Variants in NKAIN3 observed in about 807,000 individuals in gnomAD.
NKAIN3 encodes the protein sodium/potassium transporting ATPase interacting 3, also known as sodium/potassium-transporting ATPase subunit beta-1-interacting protein 3.
A neutral mutation model predicts 30.2 loss-of-function variants in NKAIN3; 25 were observed. The observed-to-expected ratio is 0.83, with a 90% confidence interval of 0.60 to 1.16. The LOEUF is 1.16. NKAIN3 is among the 50% of genes most tolerant of loss of function. The probability of loss-of-function intolerance (pLI) is 0.00; values close to 1 mark genes in which losing one functional copy is unlikely to be tolerated. For synonymous variants in NKAIN3, 91 were observed against 89.6 expected (o/e 1.02, Z -0.09); for missense variants, 225 against 254.1 (o/e 0.89, Z 0.78).
chr8:62,796,687 G>A (rs1817871566), intron 4 of NKAIN3, among the ~76,000 whole-genome samples: 1 of 151,992 alleles, frequency 6.6e-6, no homozygotes, highest in African/African-American at 2.4e-5. Context: ...ACTGTGCAGA[G>A]GAACAAGTAT....
intron 4 of NKAIN3, among the ~76,000 whole-genome samples, chr8:62,756,560 G>C (rs138964913): frequency 6.6e-6 from 1 of 151,982 alleles, no homozygotes; most frequent in African/African-American, 2.4e-5. Context: ...AGGAATTTAG[G>C]CAATCCACTG....
chr8:62,662,411 C>G (rs1812974278), intron 3 of NKAIN3, among the ~76,000 whole-genome samples: 1 of 152,220 alleles, frequency 6.6e-6, no homozygotes, highest in African/African-American at 2.4e-5. Flanking sequence ...GTGCACGTCT[C>G]CTAGAAATCC....
At chr8:62,477,046 A>G (rs1327850157) in intron 1 of NKAIN3, among the ~76,000 whole-genome samples, 2 of 152,210 alleles carry the variant, frequency 1.3e-5, no homozygotes, top group Non-Finnish European at 2.9e-5. Context: ...AGGAGCAATC[A>G]GAGGAAACTC....
intron 3 of NKAIN3, among the ~76,000 whole-genome samples, chr8:62,642,078 T>G (rs1031137430): frequency 6.6e-6 from 1 of 152,020 alleles, no homozygotes; most frequent in Non-Finnish European, 1.5e-5. Context: ...AAATGCTTTT[T>G]AAAAAAATAA....
chr8:62,375,329 A>G (rs537882756), intron 1 of NKAIN3, among the ~76,000 whole-genome samples: 8 of 152,334 alleles, frequency 5.3e-5, no homozygotes, highest in Middle Eastern at 3.4e-3. Flanking sequence ...AATATTGATA[A>G]GCACTGCAGG....
intron 1 of NKAIN3, among the ~76,000 whole-genome samples, chr8:62,566,451 G>A (rs1160479246): frequency 6.8e-6 from 1 of 147,966 alleles, no homozygotes. Context: ...ATGAATGAGT[G>A]AACTAAAGAA....
chr8:62,484,522 A>C (rs557202173), intron 1 of NKAIN3, among the ~76,000 whole-genome samples: 3 of 152,154 alleles, frequency 2.0e-5, no homozygotes, highest in African/African-American at 7.2e-5. Flanking sequence ...GGAGCATTGC[A>C]TCTTGGTTTT....
At chr8:62,864,719 A>C (rs1263431522) in intron 4 of NKAIN3, among the ~76,000 whole-genome samples, 4 of 152,046 alleles carry the variant, frequency 2.6e-5, no homozygotes, top group African/African-American at 9.7e-5. Context: ...AGTACTGGGG[A>C]TTTGCCAAAA....
chr8:62,998,029 G>C (rs748948395), intron 5 of NKAIN3, among the ~76,000 whole-genome samples: 3 of 152,118 alleles, frequency 2.0e-5, no homozygotes, highest in Non-Finnish European at 4.4e-5. Context: ...TATGAGCCCA[G>C]TACATTTTTT....
intron 1 of NKAIN3, among the ~76,000 whole-genome samples, chr8:62,567,519 GA>G (rs1045206968): frequency 6.6e-6 from 1 of 152,144 alleles, no homozygotes; most frequent in African/African-American, 2.4e-5. Context: ...TCTGGAAATT[GA>G]AAGTTTTCCT....
At chr8:62,861,311 C>A (rs12548127) in intron 4 of NKAIN3, among the ~76,000 whole-genome samples, 24 of 152,282 alleles carry the variant, frequency 1.6e-4, no homozygotes, top group Admixed American at 1.5e-3. Context: ...ACACCATGAA[C>A]ACAATAAACA....
At chr8:62,888,451 A>G (rs948722311) in intron 4 of NKAIN3, among the ~76,000 whole-genome samples, 1 of 152,186 alleles carries the variant, frequency 6.6e-6, no homozygotes, top group Non-Finnish European at 1.5e-5. Context: ...CCAACAATTC[A>G]TCAATTACGG....
At chr8:62,714,655 G>A (rs1411611879) in intron 3 of NKAIN3, among the ~76,000 whole-genome samples, 1 of 152,166 alleles carries the variant, frequency 6.6e-6, no homozygotes, top group African/African-American at 2.4e-5. Flanking sequence ...TACAAGCTAT[G>A]TTTAGGGCAC....
At chr8:62,726,195 C>G (rs1443160871) in intron 3 of NKAIN3, among the ~76,000 whole-genome samples, 2 of 152,006 alleles carry the variant, frequency 1.3e-5, no homozygotes, top group Non-Finnish European at 2.9e-5. Flanking sequence ...TTATATTCTA[C>G]AACTTTACTG....
chr8:62,855,403 C>T (rs150165368), intron 4 of NKAIN3: 189 of 887,890 alleles, frequency 2.1e-4, no homozygotes, highest in Middle Eastern at 7.0e-4. Flanking sequence ...CCAGCATGCC[C>T]TTGCTGATAT....
At chr8:62,432,565 T>C (rs796913607) in intron 1 of NKAIN3, among the ~76,000 whole-genome samples, 16 of 152,204 alleles carry the variant, frequency 1.1e-4, no homozygotes, top group African/African-American at 3.4e-4. Flanking sequence ...TGTCATAATA[T>C]TGCACATTAT....
intron 4 of NKAIN3, among the ~76,000 whole-genome samples, chr8:62,799,147 G>C (rs1308858058): frequency 1.3e-5 from 2 of 152,118 alleles, no homozygotes; most frequent in African/African-American, 4.8e-5. Context: ...TAGAGAATAT[G>C]AACATAGTGA....
In NKAIN3 at chr8:62,253,590, G is replaced by GTAAA. The variant is rs575987364; in HGVS notation, c.54+4478_54+4481dup. On this transcript the variant is annotated intron_variant, in intron 1 of 6. Coordinates refer to ENST00000623646, the MANE Select transcript of NKAIN3 (RefSeq NM_001304533.3). ...TATCTAAAAAGAAAGAAATACATAA[G>GTAAA]TAAATAAATAAATAAATAGAGAACA... Among the ~76,000 whole-genome samples, 5 of 152,080 alleles carry GTAAA rather than the reference G, an allele frequency of 3.3e-5. No homozygotes were observed. The East Asian group carries it at 7.7e-4, about 23-fold the overall frequency.
At chr8:62,320,118 A>T (rs1585675173) in intron 1 of NKAIN3, among the ~76,000 whole-genome samples, 1 of 151,730 alleles carries the variant, frequency 6.6e-6, no homozygotes, top group Admixed American at 6.6e-5. Flanking sequence ...ATCTTTGTTG[A>T]TTTAAAGTCT....
Sources: gnomAD v4.1 joint callset for allele counts (sites outside exome capture counted in the v4.1 genomes callset) on GRCh38, gnomAD v4.1.1 for gene constraint, MANE v1.5 for transcripts, NCBI Gene and HGNC (gene_info 2026-07-23, HGNC 2026-07-21) for gene names.